TNIP3: variants seen among roughly 807,000 people sequenced by gnomAD.
The protein encoded by TNIP3 is TNFAIP3 interacting protein 3, also known as TNFAIP3-interacting protein 3.
A neutral mutation model predicts 54.1 loss-of-function variants in TNIP3; 34 were observed. The ratio of observed to expected loss-of-function variants is 0.63; its 90% CI spans 0.48 to 0.84. TNIP3 has a LOEUF of 0.84. Among genes scored for constraint, TNIP3 ranks in the 40% least tolerant of loss-of-function variants. TNIP3 has a pLI of 0.00. For synonymous variants in TNIP3, 134 were observed against 136.8 expected, an observed-to-expected ratio of 0.98 and a Z score of 0.14; for missense variants, 366 against 387.6, an observed-to-expected ratio of 0.94 and a Z score of 0.47.
At chr4:121,180,295 G>C (rs1206694385) in intron 3 of TNIP3, among the ~76,000 whole-genome samples, 2 of 152,126 alleles carry the variant, frequency 1.3e-5, no homozygotes, top group African/African-American at 2.4e-5. Flanking sequence ...AGCTACTCGG[G>C]AGGCTGAGGC....
intron 9 of TNIP3, among the ~76,000 whole-genome samples, chr4:121,139,787 T>C (rs66470281): frequency 0.47 from 70,754 of 151,962 alleles, 18,523 homozygotes; most frequent in East Asian, 0.76. Context: ...CTCTGTTTTT[T>C]ATCTTCTCGT....
upstream of TNIP3, among the ~76,000 whole-genome samples, chr4:121,169,013 T>A (rs1730925195): frequency 6.6e-6 from 1 of 151,566 alleles, no homozygotes; most frequent in Non-Finnish European, 1.5e-5. Context: ...AACCTAAGGG[T>A]TTTCCTGCTT....
intron 3 of TNIP3, among the ~76,000 whole-genome samples, chr4:121,179,831 G>A (rs1184846739): frequency 1.3e-5 from 2 of 151,422 alleles, no homozygotes; most frequent in Non-Finnish European, 2.9e-5. Flanking sequence ...GTGGGGGAGG[G>A]ATGACAAGCA....
At chr4:121,202,069 A>G (rs1156408745) in intron 2 of TNIP3, among the ~76,000 whole-genome samples, 1 of 152,156 alleles carries the variant, frequency 6.6e-6, no homozygotes, top group Non-Finnish European at 1.5e-5. Flanking sequence ...CCTAAAATTC[A>G]TATGGAACCA....
upstream of TNIP3, among the ~76,000 whole-genome samples, chr4:121,169,109 T>C (rs1233455531): frequency 6.6e-6 from 1 of 152,160 alleles, no homozygotes; most frequent in African/African-American, 2.4e-5. Flanking sequence ...GTCATTCCAC[T>C]GCTCAGAACC....
chr4:121,161,307 A>G (rs980162897), intron 1 of TNIP3, 91 bp from the exon 2 acceptor site: 4 of 1,111,092 alleles, frequency 3.6e-6, no homozygotes, highest in Non-Finnish European at 5.1e-6. Context: ...GCATTTGGCC[A>G]ACTCTCCTGT....
Position 121,154,576 on chromosome 4 carries a change from T to C in TNIP3, c.467A>G (p.Glu156Gly), listed in dbSNP as rs775659682. The change falls in exon 5 of 11, where the codon GAA becomes GGA. Residue 156 changes from glutamate (E) to glycine (G), a missense_variant. Physicochemically the swap from Glu to Gly is moderately conservative, Grantham distance 98. Coordinates refer to ENST00000057513, the MANE Select transcript of TNIP3 (RefSeq NM_024873.6). ...TLANKEKEHY[E>G]CEIKRLNKAL... ...CTTATTGAGGCGTTTTATTTCACATTCGTAATGTTCCTTTTCCTTGTTCGC... is the reference window on the plus strand; with the variant it reads ...CTTATTGAGGCGTTTTATTTCACATCCGTAATGTTCCTTTTCCTTGTTCGC... 6.2e-7 allele frequency: 1 copy of C among 1,613,970 alleles called. No homozygotes were observed. Among genetic ancestry groups the C allele is most frequent in the East Asian group, 2.2e-5 (1 of 44,874 alleles).
At chr4:121,144,692 G>A (rs143796970) in intron 7 of TNIP3, among the ~76,000 whole-genome samples, 14 of 152,204 alleles carry the variant, frequency 9.2e-5, no homozygotes, top group African/African-American at 3.1e-4. Flanking sequence ...ATGAGTCACC[G>A]CACCCGGCCT....
intron 9 of TNIP3, among the ~76,000 whole-genome samples, chr4:121,139,942 C>T (rs1219033989): frequency 1.3e-5 from 2 of 152,166 alleles, no homozygotes; most frequent in Admixed American, 1.3e-4. Flanking sequence ...TCGATATAGA[C>T]AAGAAACATG....
chr4:121,208,531 A>G (rs537629712), intron 2 of TNIP3, among the ~76,000 whole-genome samples: 3 of 152,302 alleles, frequency 2.0e-5, no homozygotes, highest in African/African-American at 7.2e-5. Flanking sequence ...AATTATCCTT[A>G]GCCCTGATCC....
At chr4:121,150,519 G>C (rs1215614424) in intron 5 of TNIP3, among the ~76,000 whole-genome samples, 1 of 152,066 alleles carries the variant, frequency 6.6e-6, no homozygotes, top group Non-Finnish European at 1.5e-5. Flanking sequence ...TGTATCTATA[G>C]ACTTTCTCCA....
intron 2 of TNIP3, among the ~76,000 whole-genome samples, chr4:121,194,081 T>G (rs766077090): frequency 6.6e-6 from 1 of 152,166 alleles, no homozygotes; most frequent in Non-Finnish European, 1.5e-5. Context: ...AAAACCTGAA[T>G]GGAGTTTGAG....
At chr4:121,170,858 C>G (rs931745298) in intron 3 of TNIP3, among the ~76,000 whole-genome samples, 1 of 152,032 alleles carries the variant, frequency 6.6e-6, no homozygotes, top group Non-Finnish European at 1.5e-5. Context: ...CTCTGTCGCT[C>G]AAGCTGGAGT....
chr4:121,191,095 G>T (rs1043400937), intron 2 of TNIP3, among the ~76,000 whole-genome samples: 6 of 152,044 alleles, frequency 3.9e-5, no homozygotes, highest in Non-Finnish European at 7.4e-5. Context: ...TGTTTTTGTT[G>T]TTGTTGTTGT....
At chr4:121,180,530 A>G (rs899502595) in intron 3 of TNIP3, among the ~76,000 whole-genome samples, 5 of 152,258 alleles carry the variant, frequency 3.3e-5, no homozygotes, top group African/African-American at 1.2e-4. Context: ...TTATCCAGAT[A>G]GAGGTTATTA....
intron 2 of TNIP3, among the ~76,000 whole-genome samples, chr4:121,212,510 A>G (rs1470829182): frequency 6.6e-6 from 1 of 152,248 alleles, no homozygotes; most frequent in Non-Finnish European, 1.5e-5. Flanking sequence ...CTGAAAAACT[A>G]ACAAATTTGA....
chr4:121,204,362 C>A (rs1322018408), intron 2 of TNIP3, among the ~76,000 whole-genome samples: 1 of 152,122 alleles, frequency 6.6e-6, no homozygotes, highest in East Asian at 1.9e-4. Context: ...AGCTCCCTAC[C>A]CACTTCAAGT....
At chr4:121,201,652 A>G (rs1185941468) in intron 2 of TNIP3, among the ~76,000 whole-genome samples, 1 of 152,216 alleles carries the variant, frequency 6.6e-6, no homozygotes, top group Admixed American at 6.5e-5. Context: ...ACCTGGAATC[A>G]GAAGAGTTGT....
chr4:121,186,955 T>C (rs1725053541), intron 2 of TNIP3, among the ~76,000 whole-genome samples: 1 of 152,236 alleles, frequency 6.6e-6, no homozygotes, highest in Non-Finnish European at 1.5e-5. Flanking sequence ...ATATTTTACA[T>C]TCTCTTTTGA....
Sources: allele counts gnomAD v4.1 joint callset (sites outside exome capture counted in the v4.1 genomes callset), GRCh38; gene constraint gnomAD v4.1.1; transcripts MANE v1.5; gene names NCBI Gene and HGNC (gene_info 2026-07-23, HGNC 2026-07-21).